The following SYT6 variants were observed in gnomAD, a reference collection of about 807,000 sequenced individuals.
The protein encoded by SYT6 is synaptotagmin 6.
SYT6 carries 24 observed loss-of-function variants against 38.4 expected under a neutral mutation model. That is an observed-to-expected ratio of 0.62 (90% CI 0.45 to 0.88). The LOEUF is 0.88. Among genes scored for constraint, SYT6 ranks in the 40% least tolerant of loss-of-function variants. SYT6 has a pLI of 0.00. For synonymous variants in SYT6, 265 were observed against 241.9 expected, an observed-to-expected ratio of 1.10 and a Z score of -0.89; for missense variants, 611 against 621.0, an observed-to-expected ratio of 0.98 and a Z score of 0.17.
At chr1:114,132,396 ATTCT>A (rs1242101152) in intron 3 of SYT6, among the ~76,000 whole-genome samples, 1 of 152,170 alleles carries the variant, frequency 6.6e-6, no homozygotes, top group Non-Finnish European at 1.5e-5. Context: ...ATGTCTGGAA[ATTCT>A]GCCCAGTGGC....
intron 6 of SYT6, among the ~76,000 whole-genome samples, chr1:114,094,513 G>T (rs1018651316): frequency 6.6e-6 from 1 of 152,208 alleles, no homozygotes; most frequent in Non-Finnish European, 1.5e-5. Context: ...TGGTGCTGCA[G>T]CTGGGAAAGG....
chr1:114,115,490 C>T (rs1013909464), intron 3 of SYT6, among the ~76,000 whole-genome samples: 1 of 151,086 alleles, frequency 6.6e-6, no homozygotes, highest in Admixed American at 6.6e-5. Flanking sequence ...GATCTCGGCT[C>T]ACTGCAACCT....
chr1:114,108,617 C>T (rs72690070), intron 3 of SYT6, among the ~76,000 whole-genome samples: 4,644 of 152,298 alleles, frequency 0.03, 121 homozygotes, highest in Middle Eastern at 0.044. Flanking sequence ...ACTGAGACGA[C>T]CCAAGGATGC....
intron 7 of SYT6, among the ~76,000 whole-genome samples, chr1:114,093,031 G>A (rs1342571213): frequency 6.6e-6 from 1 of 152,176 alleles, no homozygotes; most frequent in Admixed American, 6.5e-5. Flanking sequence ...TGGTCAAGAT[G>A]GCCTTCCTGA....
chr1:114,092,087 A>C lies in SYT6; in HGVS notation c.*52-5T>G. 2.0e-6 allele frequency: 3 copies of C among 1,536,180 alleles called. No individual in the cohort carries two copies. The highest frequency in any genetic ancestry group is 2.6e-6 in the Non-Finnish European group (3 of 1,146,834). Reference sequence around the variant, plus strand: ...GCTAGCAGCTCGGCCCTGCCACTGCAAAGAGGAGAACAATCTGTTTATTAA... The same window carrying C: ...GCTAGCAGCTCGGCCCTGCCACTGCCAAGAGGAGAACAATCTGTTTATTAA... On this transcript the variant is annotated splice_region_variant and splice_polypyrimidine_tract_variant and intron_variant, in intron 7 of 7. Transcript: ENST00000610222.
intron 3 of SYT6, among the ~76,000 whole-genome samples, chr1:114,106,525 C>T (rs1480840209): frequency 2.0e-5 from 3 of 152,140 alleles, no homozygotes; most frequent in South Asian, 4.2e-4. Context: ...GATCAAGGCT[C>T]ATCTTCTTAG....
chr1:114,115,360 G>A (rs1430049935), intron 3 of SYT6, among the ~76,000 whole-genome samples: 1 of 152,102 alleles, frequency 6.6e-6, no homozygotes, highest in Non-Finnish European at 1.5e-5. Flanking sequence ...AGTCAAGAGA[G>A]GAGGAGATTA....
chr1:114,093,180 A>G (rs1424690634), intron 7 of SYT6, among the ~76,000 whole-genome samples: 1 of 152,168 alleles, frequency 6.6e-6, no homozygotes, highest in Non-Finnish European at 1.5e-5. Context: ...TTCTCCCTCA[A>G]TACAGCCATT....
At chr1:114,142,322 C>A (rs1203942948) in intron 1 of SYT6, among the ~76,000 whole-genome samples, 1 of 152,106 alleles carries the variant, frequency 6.6e-6, no homozygotes, top group South Asian at 2.1e-4. Context: ...GGGTTCAAGA[C>A]CTCAGTGAAG....
chr1:114,134,783 C>G (rs1339937190), intron 3 of SYT6, among the ~76,000 whole-genome samples: 4 of 152,192 alleles, frequency 2.6e-5, no homozygotes, highest in Non-Finnish European at 5.9e-5. Flanking sequence ...GGAATGGAAT[C>G]AGACACATGG....
rs1169678896 is a variant in SYT6, at chr1:114,091,963, G to A, written c.*171C>T. The A allele has an allele frequency of 1.3e-6, 2 of 1,522,964 alleles. No homozygotes were observed. Among genetic ancestry groups the A allele is most frequent in the South Asian group, 2.4e-5 (2 of 83,766 alleles). 94.3% of individuals were successfully genotyped at this position (1,522,964 alleles called of 1,614,324 possible). A position where few individuals can be genotyped will look rare whatever the true frequency, so the allele number is the denominator to read the frequency against. The stretch of plus-strand genomic sequence containing the variant: ...ACACTGTTTAGACGGTTGAACAAGT[G>A]CAAAGAGAACATTGCTGAGTCCCAT... On this transcript the variant is annotated 3_prime_UTR_variant, in exon 8 of 8. Transcript: ENST00000610222.
chr1:114,111,772 C>G (rs1333045760), intron 3 of SYT6, among the ~76,000 whole-genome samples: 2 of 59,522 alleles, frequency 3.4e-5, no homozygotes, highest in East Asian at 7.7e-4. Flanking sequence ...TGAGGGGCTG[C>G]AGGAGGAGAG....
chr1:114,140,267 T>A (rs1678792313), intron 1 of SYT6, among the ~76,000 whole-genome samples: 1 of 149,170 alleles, frequency 6.7e-6, no homozygotes. Flanking sequence ...TCCTCTCTAC[T>A]GGCTATTGGC....
intron 1 of SYT6, chr1:114,152,588 C>A (rs1354675470): frequency 6.6e-6 from 1 of 152,208 alleles, no homozygotes; most frequent in Non-Finnish European, 1.5e-5. Flanking sequence ...AGCCGGCGAG[C>A]GTGGCTGCCG....
chr1:114,104,332 C>G (rs912054452), intron 3 of SYT6, among the ~76,000 whole-genome samples: 7 of 152,238 alleles, frequency 4.6e-5, no homozygotes, highest in African/African-American at 1.7e-4. Context: ...CTCTTTTCTC[C>G]TTAAATGTGG....
At chr1:114,131,885 G>C (rs1678179641) in intron 3 of SYT6, among the ~76,000 whole-genome samples, 1 of 152,154 alleles carries the variant, frequency 6.6e-6, no homozygotes, top group Admixed American at 6.5e-5. Flanking sequence ...AACCTAACAA[G>C]TCCACAAAGA....
At chr1:114,146,966 C>T (rs918532380) in intron 1 of SYT6, among the ~76,000 whole-genome samples, 12 of 152,158 alleles carry the variant, frequency 7.9e-5, no homozygotes, top group African/African-American at 2.9e-4. Flanking sequence ...TAAATATCAC[C>T]TATTTTTATT....
At chr1:114,124,430 A>G (rs555281744) in intron 3 of SYT6, among the ~76,000 whole-genome samples, 1 of 152,118 alleles carries the variant, frequency 6.6e-6, no homozygotes, top group South Asian at 2.1e-4. Flanking sequence ...GGTGGTTTGG[A>G]TTTGAGGCCT....
In SYT6 at chr1:114,153,518, T is replaced by A. The variant is rs533792967; in HGVS notation, c.163+92A>T. 44 of 562,134 alleles carry A rather than the reference T, an allele frequency of 7.8e-5. No individual in the cohort carries two copies. The African/African-American group carries it at 8.5e-4, about 11-fold the overall frequency. The allele number at this position is 562,134 out of a possible 1,614,324, so 34.8% of individuals were successfully genotyped here. On this transcript the variant is annotated intron_variant, in intron 1 of 7. Transcript: ENST00000610222. ...GAATCCCGAGCTGGGGAGTTCTCTCTAGGTTCTGGGGCTCCTGGGACCGGG... is the reference window on the plus strand; with the variant it reads ...GAATCCCGAGCTGGGGAGTTCTCTCAAGGTTCTGGGGCTCCTGGGACCGGG...
Sources: gnomAD v4.1 joint callset for allele counts (sites outside exome capture counted in the v4.1 genomes callset) on GRCh38, gnomAD v4.1.1 for gene constraint, MANE v1.5 for transcripts, NCBI Gene and HGNC (gene_info 2026-07-23, HGNC 2026-07-21) for gene names.